COL11A2: variants seen among roughly 807,000 people sequenced by gnomAD.
COL11A2 encodes the protein collagen type XI alpha 2 chain, also known as collagen alpha-2(XI) chain.
COL11A2 carries 116 observed loss-of-function variants against 273.4 expected under a neutral mutation model. The observed-to-expected ratio is 0.42, with a 90% CI of 0.36 to 0.49. The LOEUF is 0.49. Ranked by LOEUF, COL11A2 falls within the 20% of genes least tolerant of loss-of-function variation. The pLI is 0.00. For missense variants in COL11A2, 1,866 were observed against 2,309.0 expected (o/e 0.81, Z 3.93); for synonymous variants, 782 against 864.2 (o/e 0.90, Z 1.67).
intron 43 of COL11A2, 40 bp from the exon 44 acceptor site, chr6:33,171,364 T>C: frequency 6.2e-7 from 1 of 1,613,136 alleles, no homozygotes; most frequent in South Asian, 1.1e-5. Flanking sequence ...AGAAAGGTGA[T>C]GGGTAGAGTG....
At position 33,185,049 on chromosome 6, in the gene COL11A2, G is replaced by A. The variant is rs566296770; in HGVS notation, c.882C>T (p.Pro294=). ...TTGTTPDYQD[P]TPGEEEEILE... ...GGATTTCTTCCTCTTCACCTGGGGT[G>A]GGGTCCTGACCCCAAGGAGAGAAGG... The change falls in exon 7 of 66, where the codon CCC becomes CCT. Residue 294 remains proline, a synonymous_variant. Transcript: ENST00000341947. The A allele has an allele frequency of 9.5e-5, 147 of 1,551,130 alleles. 1 individual carries two copies. The Middle Eastern group carries it at 1.2e-3, about 12-fold the overall frequency.
At position 33,189,176 on chromosome 6, in the gene COL11A2, T is replaced by C. The variant is rs767289824; in HGVS notation, c.245A>G (p.Lys82Arg). 3.7e-6 allele frequency: 6 copies of C among 1,613,840 alleles called. No individual in the cohort carries two copies. The highest frequency in any genetic ancestry group is 5.1e-6 in the Non-Finnish European group (6 of 1,179,856). ...GACAACAGTCAGCAGAGAGAAATCT[T>C]TGGGAAATCCTCCTAGTAACCGAGA... ...TRQLFPGGFP[K>R]DFSLLTVVRT... Residue 82 changes from lysine (K) to arginine (R), a missense_variant, in exon 3 of 66, where the codon AAA becomes AGA. Transcript: ENST00000341947. The surrounding 1 kb of genome is among the most constrained non-coding windows in gnomAD (Gnocchi z 5.6).
intron 30 of COL11A2, 55 bp from the exon 31 acceptor site, chr6:33,174,635 C>A: frequency 6.5e-7 from 1 of 1,543,798 alleles, no homozygotes; most frequent in Non-Finnish European, 8.9e-7. Flanking sequence ...TGCCACTCCA[C>A]CCCTGGAGAC....
At position 33,166,751 on chromosome 6, in the gene COL11A2, G is replaced by A. The variant is rs1338682682; in HGVS notation, c.4307C>T (p.Pro1436Leu). Residue 1436 changes from proline (P) to leucine (L), a missense_variant, in exon 59 of 66, where the codon CCT becomes CTT. By Grantham distance (98) the Pro-to-Leu change is moderately conservative (BLOSUM62 -3). Transcript: ENST00000341947. The surrounding 1 kb of genome is among the most constrained non-coding windows in gnomAD (Gnocchi z 4.8). ...GEKGDRGLPG[P>L]QGSPGQKGEM... ...ACCCTTCTGCCCAGGGGAGCCCTGA[G>A]GCCCAGGAAGTCCCCGATCTCCCTT... The A allele has an allele frequency of 2.5e-6, 4 of 1,613,582 alleles. No individual in the cohort carries two copies. In the Admixed American group the frequency reaches 6.7e-5, roughly 27 times the overall value.
intron 4 of COL11A2, 96 bp downstream of exon 4, chr6:33,188,266 C>T: frequency 3.5e-6 from 5 of 1,416,882 alleles, no homozygotes; most frequent in Middle Eastern, 2.1e-4. Flanking sequence ...AAAATGAAGG[C>T]CTAGGGAATA....
rs150930616 is a variant in COL11A2 at position 33,183,043 on chromosome 6, G to A, written c.1119+1102C>T. Among the ~76,000 whole-genome samples the A allele has an allele frequency of 3.8e-3, 573 of 152,274 alleles. 8 individuals carry two copies. The highest frequency in any genetic ancestry group is 0.029 in the Admixed American group (447 of 15,286). On this transcript the variant is annotated intron_variant, in intron 8 of 65. Transcript: ENST00000341947. The stretch of plus-strand genomic sequence containing the variant: ...GAAAGGCAGTAGAAGCTCAAGGGAG[G>A]CAAGAGAGGGGAGGTATGGGATGCG...
Position 33,177,546 on chromosome 6 carries a change from G to T in COL11A2, c.1918-81C>A. ...GAGCATGGAGCTGAGTCCCAGCAGC[G>T]ATAGCCAAGAAGGCAAGAGCAGGAA... On this transcript the variant is annotated intron_variant, in intron 22 of 65. Transcript: ENST00000341947. This position sits in a 1 kb window ranked among gnomAD's most constrained non-coding sequence, Gnocchi z 5.9. 6 of 1,586,222 alleles carry T rather than the reference G, an allele frequency of 3.8e-6. No homozygotes were observed. The highest frequency in any genetic ancestry group is 5.2e-6 in the Non-Finnish European group (6 of 1,157,506).
In COL11A2 at chr6:33,165,913, C is replaced by T. The variant is rs1204830262; in HGVS notation, c.4482+18G>A. ...CAGAGGGGTACGGCCCTGGGAGCAG[C>T]CCTGACTCCTCACTCACCGGGTGTC... On this transcript the variant is annotated intron_variant, in intron 62 of 65. Transcript: ENST00000341947. This position sits in a 1 kb window ranked among gnomAD's most constrained non-coding sequence, Gnocchi z 7.7. 1.2e-6 allele frequency: 2 copies of T among 1,613,798 alleles called. No individual in the cohort carries two copies. Among genetic ancestry groups the T allele is most frequent in the East Asian group, 2.2e-5 (1 of 44,850 alleles).
At position 33,167,649 on chromosome 6, in the gene COL11A2, C is replaced by T. The variant is rs1052789902; in HGVS notation, c.4015-116G>A. 8.2e-6 allele frequency: 12 copies of T among 1,457,928 alleles called. No individual in the cohort carries two copies. The African/African-American group carries it at 1.7e-4, about 20-fold the overall frequency. The allele number at this position is 1,457,928 out of a possible 1,614,324, so 90.3% of individuals were successfully genotyped here. A position where few individuals can be genotyped will look rare whatever the true frequency, so the allele number is the denominator to read the frequency against. On this transcript the variant is annotated intron_variant, in intron 55 of 65. Transcript: ENST00000341947. This position sits in a 1 kb window ranked among gnomAD's most constrained non-coding sequence, Gnocchi z 6.1. ...GGAGGAAGGGCCAAACTCTAGGAGC[C>T]CCTAGCGCAGGAACAAGTACAGGGA...
chr6:33,189,356 C>G lies in COL11A2; in HGVS notation c.196G>C (p.Ala66Pro). ...TGGCGAGTGGGTGCACTGAGCTGGG[C>G]AGGTCGTGCCACTCGGTAGGCCACA... ...ADVAYRVARP[A>P]QLSAPTRQLF... Residue 66 changes from alanine (A) to proline (P), a missense_variant, in exon 2 of 66, where the codon GCC becomes CCC. Coordinates refer to ENST00000341947, the MANE Select transcript of COL11A2 (RefSeq NM_080680.3). This position sits in a 1 kb window ranked among gnomAD's most constrained non-coding sequence, Gnocchi z 5.6. 2 of 1,613,482 alleles carry G rather than the reference C, an allele frequency of 1.2e-6. No individual in the cohort carries two copies. The highest frequency in any genetic ancestry group is 1.7e-6 in the Non-Finnish European group (2 of 1,180,026).
Position 33,178,789 on chromosome 6 carries a change from C to G in COL11A2, c.1666-57G>C, listed in dbSNP as rs1771290279. 4 of 1,608,458 alleles carry G rather than the reference C, an allele frequency of 2.5e-6. No individual in the cohort carries two copies. Among genetic ancestry groups the G allele is most frequent in the Non-Finnish European group, 3.4e-6 (4 of 1,175,984 alleles). ...CACGACCCTGTCCAAGCCCACCCCT[C>G]CCTACTGCACCCTGAGCTGGGGGGG... is the stretch of plus-strand genomic sequence containing the variant. On this transcript the variant is annotated intron_variant, in intron 17 of 65. Transcript: ENST00000341947. The surrounding 1 kb of genome is among the most constrained non-coding windows in gnomAD (Gnocchi z 4.6).
At position 33,176,327 on chromosome 6, in the gene COL11A2, G is replaced by A; in HGVS notation, c.2170-24C>T. ...CCCTAGAATTAGAGAGGGGATAGAA[G>A]TAGACTGATCAGGGGATGGAGGTGG... On this transcript the variant is annotated intron_variant, in intron 27 of 65. Transcript: ENST00000341947. This position sits in a 1 kb window ranked among gnomAD's most constrained non-coding sequence, Gnocchi z 4.9. The A allele has an allele frequency of 1.2e-6, 2 of 1,603,226 alleles. No individual in the cohort carries two copies. Among genetic ancestry groups the A allele is most frequent in the Non-Finnish European group, 1.7e-6 (2 of 1,174,722 alleles).
chr6:33,181,587 G>C (rs1771746225), intron 8 of COL11A2, among the ~76,000 whole-genome samples: 1 of 152,108 alleles, frequency 6.6e-6, no homozygotes, highest in Admixed American at 6.5e-5. Context: ...TGATTCTCCT[G>C]CCTCAGCCTC....
Position 33,165,506 on chromosome 6 carries a change from T to C in COL11A2, c.4750+43A>G, listed in dbSNP as rs1352871630. The C allele has an allele frequency of 1.9e-6, 3 of 1,606,582 alleles. No individual in the cohort carries two copies. Among genetic ancestry groups the C allele is most frequent in the Non-Finnish European group, 2.5e-6 (3 of 1,179,838 alleles). ...ATCCATTCTGCTTGTTCAGTACCCA[T>C]GCTGTTGGGGAGATGTTTGTGCACC... On this transcript the variant is annotated intron_variant, in intron 63 of 65. Transcript: ENST00000341947. This position sits in a 1 kb window ranked among gnomAD's most constrained non-coding sequence, Gnocchi z 7.7.
rs1770938626 is a variant in COL11A2 at position 33,176,576 on chromosome 6, T to C, written c.2116-90A>G. On this transcript the variant is annotated intron_variant, in intron 26 of 65. Coordinates refer to ENST00000341947, the MANE Select transcript of COL11A2 (RefSeq NM_080680.3). The surrounding 1 kb of genome is among the most constrained non-coding windows in gnomAD (Gnocchi z 4.9). ...GTGGAAGAAATGGAAGTAACAACATTGCTGTCTGGGTAGGGTTACGGGGCA... is the reference window on the plus strand; with the variant it reads ...GTGGAAGAAATGGAAGTAACAACATCGCTGTCTGGGTAGGGTTACGGGGCA... 2 of 1,423,686 alleles carry C rather than the reference T, an allele frequency of 1.4e-6. No homozygotes were observed. Among genetic ancestry groups the C allele is most frequent in the Non-Finnish European group, 9.9e-7 (1 of 1,012,968 alleles). 88.2% of individuals were successfully genotyped at this position (1,423,686 alleles called of 1,614,324 possible).
At position 33,178,178 on chromosome 6, in the gene COL11A2, C is replaced by T. The variant is rs760066546; in HGVS notation, c.1826G>A (p.Arg609Gln). The T allele has an allele frequency of 6.8e-6, 11 of 1,611,574 alleles. No homozygotes were observed. In the Admixed American group the frequency reaches 1.2e-4, roughly 17 times the overall value. ...TGGGCCTTTGGGGCCAAGGAGACCT[C>T]GAGGTCCCTGCATTCACGGTGAGGG... ...PRGLPGESGP[R>Q]GLLGPKGPPG... The change falls in exon 21 of 66, where the codon CGA becomes CAA. Residue 609 changes from arginine (R) to glutamine (Q), a missense_variant. Coordinates refer to ENST00000341947, the MANE Select transcript of COL11A2 (RefSeq NM_080680.3). The surrounding 1 kb of genome is among the most constrained non-coding windows in gnomAD (Gnocchi z 4.6).
In COL11A2 at chr6:33,171,771, G is replaced by A. The variant is rs528009333; in HGVS notation, c.3092C>T (p.Pro1031Leu). ...ACCCTGCGGGCCTGGGCGCCCTGGCGGACCAATGGGTCCCCCTGATCCTGC... is the reference window on the plus strand; with the variant it reads ...ACCCTGCGGGCCTGGGCGCCCTGGCAGACCAATGGGTCCCCCTGATCCTGC... ...GAAGSGGPIG[P>L]PGRPGPQGPP... The change falls in exon 42 of 66, where the codon CCG becomes CTG. Residue 1031 changes from proline to leucine, a missense_variant. Transcript: ENST00000341947. The A allele has an allele frequency of 3.3e-5, 54 of 1,612,830 alleles. No homozygotes were observed. The highest frequency in any genetic ancestry group is 2.3e-4 in the South Asian group (21 of 91,060).
Position 33,179,223 on chromosome 6 carries a change from G to A in COL11A2, c.1557+8C>T, listed in dbSNP as rs1032221408. 6.2e-7 allele frequency: 1 copy of A among 1,612,160 alleles called. No individual in the cohort carries two copies. Among genetic ancestry groups the A allele is most frequent in the Non-Finnish European group, 8.5e-7 (1 of 1,179,448 alleles). ...AGATATGGGGGTGCAGTGGAGGAAA[G>A]TGGTCACCTGAGGTCCTAAGTCTCC... On this transcript the variant is annotated splice_region_variant and intron_variant, in intron 15 of 65. Transcript: ENST00000341947. This position sits in a 1 kb window ranked among gnomAD's most constrained non-coding sequence, Gnocchi z 6.4.
chr6:33,170,333 C>T lies in COL11A2; in HGVS notation c.3575G>A (p.Gly1192Asp), dbSNP rs916243655. ...GGGGCTGAGATGACTCACATCAGCG[C>T]CATTGGGTCCAGCTGGACCTCGAGG... ...PGPRGPAGPN[G>D]ADGPQGPPGG... The change falls in exon 48 of 66, where the codon GGC becomes GAC. Residue 1192 changes from glycine to aspartate, a missense_variant. By Grantham distance (94) the Gly-to-Asp change is moderately conservative (BLOSUM62 -1). Transcript: ENST00000341947. This position sits in a 1 kb window ranked among gnomAD's most constrained non-coding sequence, Gnocchi z 4.3. The T allele has an allele frequency of 2.5e-6, 4 of 1,613,534 alleles. No individual in the cohort carries two copies. The highest frequency in any genetic ancestry group is 1.1e-5 in the South Asian group (1 of 91,000).
Sources: gnomAD v4.1 joint callset for allele counts (sites outside exome capture counted in the v4.1 genomes callset) on GRCh38, gnomAD v4.1.1 for gene constraint, Gnocchi (gnomAD v3.1) non-coding constraint, MANE v1.5 for transcripts, NCBI Gene and HGNC (gene_info 2026-07-23, HGNC 2026-07-21) for gene names.